SBF1: variants seen among roughly 807,000 people sequenced by gnomAD.
SBF1 encodes myotubularin-related protein 5.
In SBF1, 65 loss-of-function variants were observed where a neutral mutation model predicts 215.8. That is an observed-to-expected ratio of 0.30 (90% confidence interval 0.25 to 0.37). SBF1 has a LOEUF of 0.37. Among genes scored for constraint, SBF1 ranks in the 10% least tolerant of loss-of-function variants. The pLI, the probability that SBF1 is intolerant of heterozygous loss-of-function variation, is 1.00. For missense variants in SBF1, 2,634 were observed against 2,667.8 expected (o/e 0.99, Z 0.28); for synonymous variants, 1,410 against 1,122.8 (o/e 1.26, Z -5.11).
intron 36 of SBF1, among the ~76,000 whole-genome samples, chr22:50,449,363 T>TCCCAG (rs150983552): frequency 0.018 from 2,715 of 152,184 alleles, 81 homozygotes; most frequent in African/African-American, 0.062. Context: ...ACGCCTGTAA[T>TCCCAG]CCCAGCACTT....
chr22:50,451,426 C>T (rs2067043449), intron 36 of SBF1, among the ~76,000 whole-genome samples: 1 of 152,012 alleles, frequency 6.6e-6, no homozygotes, highest in Non-Finnish European at 1.5e-5. Flanking sequence ...TGAAGACAAG[C>T]CAACAGAAAT....
At chr22:50,456,453 G>GGCCCCCCCCCCC in intron 30 of SBF1, 39 bp downstream of exon 30, 1 of 1,520,052 alleles carries the variant, frequency 6.6e-7, no homozygotes, top group East Asian at 2.4e-5. Context: ...CCCCTGCCGA[G>GGCCCCCCCCCCC]CCCCCACCCT....
rs761900321 is a variant in SBF1, at chr22:50,447,467, CAG to C, written c.5452-16_5452-15del. On this transcript the variant is annotated splice_polypyrimidine_tract_variant and intron_variant, in intron 39 of 40. Transcript: ENST00000380817. ...GTAGTAGCGCAGCTGGAGGAGGCCA[CAG>C]AGTCAGCGGAGCCCCCTCCCCCGTG... is the stretch of plus-strand genomic sequence containing the variant. 7 of 1,417,258 alleles carry C rather than the reference CAG, an allele frequency of 4.9e-6. No homozygotes were observed. Among genetic ancestry groups the C allele is most frequent in the South Asian group, 4.8e-5 (4 of 83,936 alleles). 87.8% of individuals were successfully genotyped at this position (1,417,258 alleles called of 1,614,324 possible).
rs2067742900 is a variant in SBF1, at chr22:50,466,140, C to T, written c.897+10G>A. 5 of 1,613,384 alleles carry T rather than the reference C, an allele frequency of 3.1e-6. No homozygotes were observed. Among genetic ancestry groups the T allele is most frequent in the South Asian group, 1.1e-5 (1 of 91,094 alleles). ...TGGGCCGTGAGGTGGACACAAAGCA[C>T]AGCCCTTACCAGCTCCTGGGTCTCT... On this transcript the variant is annotated intron_variant, in intron 8 of 40. Transcript: ENST00000380817.
chr22:50,462,834 G>C (rs201286164), intron 17 of SBF1, 36 bp downstream of exon 17: 8 of 1,612,112 alleles, frequency 5.0e-6, no homozygotes, highest in African/African-American at 4.0e-5. Context: ...AGGAAGGGGG[G>C]GCTGGGAAGG....
chr22:50,458,322 A>G (rs1269209334), intron 28 of SBF1, among the ~76,000 whole-genome samples: 11 of 150,052 alleles, frequency 7.3e-5, no homozygotes, highest in East Asian at 3.9e-4. Context: ...AAAAAAAAAA[A>G]AGGTCAGGGC....
chr22:50,447,021 TG>T lies in SBF1; in HGVS notation c.*120del. The T allele has an allele frequency of 2.3e-6, 2 of 884,804 alleles. No homozygotes were observed. The highest frequency in any genetic ancestry group is 3.6e-6 in the Non-Finnish European group (2 of 556,776). 54.8% of individuals were successfully genotyped at this position (884,804 alleles called of 1,614,324 possible). ...GGACGGGGGCTGTACACACAAGTGC[TG>T]GGGGCTCGGGGCCTCAATACTGTCG... On this transcript the variant is annotated 3_prime_UTR_variant, in exon 41 of 41. Coordinates refer to ENST00000380817, the MANE Select transcript of SBF1 (RefSeq NM_002972.4).
chr22:50,474,972 G>A lies in SBF1; in HGVS notation c.-132C>T. 1 of 297,256 alleles carries A rather than the reference G, an allele frequency of 3.4e-6. No homozygotes were observed. Among genetic ancestry groups the A allele is most frequent in the South Asian group, 8.6e-5 (1 of 11,628 alleles). The allele number at this position is 297,256 out of a possible 1,614,324, so 18.4% of individuals were successfully genotyped here. A position where few individuals can be genotyped will look rare whatever the true frequency, so the allele number is the denominator to read the frequency against. ...GACACCCCTGGTTCGCTCCGCGGCGGCGGCGGCGGCGGCGGCGGCGGCCCA... is the reference window on the plus strand; with the variant it reads ...GACACCCCTGGTTCGCTCCGCGGCGACGGCGGCGGCGGCGGCGGCGGCCCA... On this transcript the variant is annotated 5_prime_UTR_variant, in exon 1 of 41. Coordinates refer to ENST00000380817, the MANE Select transcript of SBF1 (RefSeq NM_002972.4).
In SBF1 at chr22:50,466,683, G is replaced by C; in HGVS notation, c.577C>G (p.Arg193Gly). The C allele has an allele frequency of 1.3e-6, 2 of 1,545,550 alleles. No individual in the cohort carries two copies. Among genetic ancestry groups the C allele is most frequent in the Non-Finnish European group, 1.7e-6 (2 of 1,143,226 alleles). ...QRTISLGAGDRQVIQTPLADS... is the reference protein window; with the variant it reads ...QRTISLGAGDGQVIQTPLADS... ...GCCAGTGGAGTCTGGATGACCTGCC[G>C]GTCACCAGCCCCCAAAGAGATCGTC... The change falls in exon 6 of 41, where the codon CGG becomes GGG. Residue 193 changes from arginine to glycine, a missense_variant. Coordinates refer to ENST00000380817, the MANE Select transcript of SBF1 (RefSeq NM_002972.4).
At chr22:50,460,810 CAG>C (rs1283468529) in intron 23 of SBF1, 98 bp from the exon 24 acceptor site, 1 of 1,341,494 alleles carries the variant, frequency 7.5e-7, no homozygotes, top group Non-Finnish European at 1.0e-6. Flanking sequence ...GCAGCCATGA[CAG>C]AGAGAGAAGC....
rs1437590111 is a variant in SBF1 at position 50,465,197 on chromosome 22, A to G, written c.1203+18T>C. The G allele has an allele frequency of 6.2e-7, 1 of 1,612,662 alleles. No homozygotes were observed. Among genetic ancestry groups the G allele is most frequent in the East Asian group, 2.2e-5 (1 of 44,844 alleles). ...TGCGCTTATCTCCTACCCCACGCCCAGCCACCAGGCACCCCACCTTATGGA... is the reference window on the plus strand; with the variant it reads ...TGCGCTTATCTCCTACCCCACGCCCGGCCACCAGGCACCCCACCTTATGGA... On this transcript the variant is annotated intron_variant, in intron 11 of 40. Coordinates refer to ENST00000380817, the MANE Select transcript of SBF1 (RefSeq NM_002972.4).
rs1250761219 is a variant in SBF1, at chr22:50,474,947, G to A, written c.-107C>T. ...CCCCGGCCCTGGACCGCGCACCCCG[G>A]ACACCCCTGGTTCGCTCCGCGGCGG... On this transcript the variant is annotated 5_prime_UTR_variant, in exon 1 of 41. Transcript: ENST00000380817. 72 of 764,382 alleles carry A rather than the reference G, an allele frequency of 9.4e-5. No individual in the cohort carries two copies. The highest frequency in any genetic ancestry group is 1.3e-4 in the Non-Finnish European group (72 of 575,372). 47.3% of individuals were successfully genotyped at this position (764,382 alleles called of 1,614,324 possible).
rs549831787 is a variant in SBF1, at chr22:50,456,173, GC to G, written c.4266+42del. ...CCACTTGGCTCTACCCAAGGGGAGGGCCCAGCACCAAGGCGGGCAGAGGGAC... is the reference window on the plus strand; with the variant it reads ...CCACTTGGCTCTACCCAAGGGGAGGGCCAGCACCAAGGCGGGCAGAGGGAC... On this transcript the variant is annotated intron_variant, in intron 31 of 40. Coordinates refer to ENST00000380817, the MANE Select transcript of SBF1 (RefSeq NM_002972.4). 4,104 of 1,597,684 alleles carry G rather than the reference GC, an allele frequency of 2.6e-3. 17 individuals are homozygous for G. Among genetic ancestry groups the G allele is most frequent in the Non-Finnish European group, 2.6e-3 (3,075 of 1,170,754 alleles).
intron 36 of SBF1, among the ~76,000 whole-genome samples, chr22:50,450,003 G>A (rs895029357): frequency 6.6e-6 from 1 of 152,208 alleles, no homozygotes; most frequent in African/African-American, 2.4e-5. Flanking sequence ...GGGAGGCAGG[G>A]CCAGAGCAAC....
rs1371487529 is a variant in SBF1 at position 50,454,914 on chromosome 22, C to T, written c.4712G>A (p.Arg1571Lys). 2 of 1,613,986 alleles carry T rather than the reference C, an allele frequency of 1.2e-6. No homozygotes were observed. Among genetic ancestry groups the T allele is most frequent in the Admixed American group, 1.7e-5 (1 of 59,998 alleles). ...CACAGACCTGCACGGCACCTGGCCC[C>T]TGCGTTCCCCCTTCTCCTCATACAG... ...GLLYEEKGER[R>K]GQVPCRSVWE... Residue 1571 changes from arginine to lysine, a missense_variant, in exon 35 of 41, where the codon AGG becomes AAG. Arg to Lys is a conservative substitution (Grantham distance 26, BLOSUM62 2). Coordinates refer to ENST00000380817, the MANE Select transcript of SBF1 (RefSeq NM_002972.4).
rs376417170 is a variant in SBF1 at position 50,463,290 on chromosome 22, C to G, written c.1892G>C (p.Cys631Ser). Residue 631 changes from cysteine (C) to serine (S), a missense_variant, in exon 16 of 41, where the codon TGC (cysteine) becomes TCC (serine). Coordinates refer to ENST00000380817, the MANE Select transcript of SBF1 (RefSeq NM_002972.4). The part of the protein sequence containing the change: ...FDFVVRMMNC[C>S]LQDCTSLDEH... ...CAGGATAAGAGGCCTCACCTGCAGGCAGCAGTTCATCATACGGACGACAAA... is the reference window on the plus strand; with the variant it reads ...CAGGATAAGAGGCCTCACCTGCAGGGAGCAGTTCATCATACGGACGACAAA... 1.2e-6 allele frequency: 2 copies of G among 1,613,442 alleles called. No individual in the cohort carries two copies. Among genetic ancestry groups the G allele is most frequent in the Admixed American group, 1.7e-5 (1 of 59,982 alleles).
At chr22:50,455,195 C>G in intron 33 of SBF1, 29 bp downstream of exon 33, 1 of 1,612,734 alleles carries the variant, frequency 6.2e-7, no homozygotes, top group Non-Finnish European at 8.5e-7. Context: ...GTGCACAGTC[C>G]CGGCCCACCC....
At position 50,462,963 on chromosome 22, in the gene SBF1, A is replaced by G. The variant is rs544860803; in HGVS notation, c.1900-25T>C. 1.1e-5 allele frequency: 18 copies of G among 1,599,930 alleles called. No individual in the cohort carries two copies. The East Asian group carries it at 2.7e-4, about 24-fold the overall frequency. On this transcript the variant is annotated intron_variant, in intron 16 of 40. Coordinates refer to ENST00000380817, the MANE Select transcript of SBF1 (RefSeq NM_002972.4). ...CCTGCAGGTAGAGCGAGAGACCGTC[A>G]GGACCTCTCCCCTCCCAGGCAGCAC...
rs780608734 is a variant in SBF1, at chr22:50,459,424, G to A, written c.3689-32C>T. 1.3e-5 allele frequency: 21 copies of A among 1,611,736 alleles called. No individual in the cohort carries two copies. In the East Asian group the frequency reaches 4.2e-4, roughly 33 times the overall value. On this transcript the variant is annotated intron_variant, in intron 27 of 40. Transcript: ENST00000380817. ...GAGGACACGGAGCTGAGGGAGGGGA[G>A]GGTGAGATAGGGCAGGGCAGGCACA... is the stretch of plus-strand genomic sequence containing the variant.
Sources: allele counts gnomAD v4.1 joint callset (sites outside exome capture counted in the v4.1 genomes callset), GRCh38; gene constraint gnomAD v4.1.1; transcripts MANE v1.5; gene names NCBI Gene and HGNC (gene_info 2026-07-23, HGNC 2026-07-21).